The following CLSTN2 variants were observed in gnomAD, a reference collection of about 807,000 sequenced individuals.
CLSTN2 encodes the protein calsyntenin-2.
In CLSTN2, 48 loss-of-function variants were observed where a neutral mutation model predicts 101.2. The observed-to-expected ratio is 0.47, with a 90% CI of 0.38 to 0.60. The LOEUF is 0.60. Ranked by LOEUF, CLSTN2 falls within the 20% of genes least tolerant of loss-of-function variation. CLSTN2 has a pLI of 0.00. For synonymous variants in CLSTN2, 481 were observed against 463.6 expected (o/e 1.04, Z -0.48); for missense variants, 1,160 against 1,238.2 (o/e 0.94, Z 0.95).
chr3:140,371,394 CA>C (rs1165330256), intron 2 of CLSTN2, among the ~76,000 whole-genome samples: 21 of 152,310 alleles, frequency 1.4e-4, no homozygotes, highest in African/African-American at 4.8e-4. Context: ...GGGTGGGAAA[CA>C]AGGAGCTGTC....
chr3:140,354,772 C>G (rs2087650674), intron 2 of CLSTN2, among the ~76,000 whole-genome samples: 1 of 152,234 alleles, frequency 6.6e-6, no homozygotes, highest in Admixed American at 6.5e-5. Flanking sequence ...TTGTATAAGA[C>G]AGACTCCAAA....
intron 2 of CLSTN2, among the ~76,000 whole-genome samples, chr3:140,248,591 C>T (rs1157973583): frequency 4.6e-5 from 7 of 152,110 alleles, no homozygotes; most frequent in Admixed American, 4.6e-4. Flanking sequence ...CAGCTGACAT[C>T]CTGCAGATAC....
chr3:140,379,380 G>A (rs1187164134), intron 2 of CLSTN2, among the ~76,000 whole-genome samples: 2 of 152,234 alleles, frequency 1.3e-5, no homozygotes, highest in Non-Finnish European at 2.9e-5. Flanking sequence ...TTGCCGAGAA[G>A]GGAAGGGGAA....
rs192664137 is a variant in CLSTN2 at position 140,073,305 on chromosome 3, A to T, written c.110-102646A>T. ...TTATCCCAACTCCAAAAACACAGCCACATTTACCACTCCCACCCCCCAGGA... is the reference window on the plus strand; with the variant it reads ...TTATCCCAACTCCAAAAACACAGCCTCATTTACCACTCCCACCCCCCAGGA... On this transcript the variant is annotated intron_variant, in intron 1 of 16. Coordinates refer to ENST00000458420, the MANE Select transcript of CLSTN2 (RefSeq NM_022131.3). 6.9e-3 allele frequency among the ~76,000 whole-genome samples: 1,055 copies of T among 152,322 alleles called. 13 individuals are homozygous for T. The highest frequency in any genetic ancestry group is 0.024 in the African/African-American group (999 of 41,572).
At chr3:140,360,027 C>G (rs6789157) in intron 2 of CLSTN2, among the ~76,000 whole-genome samples, 1 of 145,300 alleles carries the variant, frequency 6.9e-6, no homozygotes, top group Admixed American at 6.9e-5. Flanking sequence ...CACACACACA[C>G]ATATATATAT....
At chr3:139,968,551 T>C (rs2107817826) in intron 1 of CLSTN2, among the ~76,000 whole-genome samples, 1 of 152,266 alleles carries the variant, frequency 6.6e-6, no homozygotes, top group East Asian at 1.9e-4. Flanking sequence ...GAAGACAGAG[T>C]GAGAAGGCCC....
At chr3:140,356,756 CAAAAA>C (rs55634580) in intron 2 of CLSTN2, among the ~76,000 whole-genome samples, 1 of 111,138 alleles carries the variant, frequency 9.0e-6, no homozygotes. Context: ...GACCTTGTCT[CAAAAA>C]AAAAAAAAAA....
chr3:140,116,706 A>G (rs574061216), intron 1 of CLSTN2, among the ~76,000 whole-genome samples: 1 of 152,066 alleles, frequency 6.6e-6, no homozygotes, highest in African/African-American at 2.4e-5. Context: ...CCATATCCCT[A>G]TATTACCTAA....
At chr3:140,386,860 C>A (rs1365647822) in intron 2 of CLSTN2, among the ~76,000 whole-genome samples, 1 of 152,190 alleles carries the variant, frequency 6.6e-6, no homozygotes, top group South Asian at 2.1e-4. Flanking sequence ...TATGAACTTA[C>A]ACAAGCAGGT....
intron 8 of CLSTN2, among the ~76,000 whole-genome samples, chr3:140,487,565 T>C (rs899213803): frequency 6.6e-6 from 1 of 152,266 alleles, no homozygotes; most frequent in African/African-American, 2.4e-5. Context: ...ATTCCTATGC[T>C]AGACCCCATG....
intron 1 of CLSTN2, among the ~76,000 whole-genome samples, chr3:140,118,784 A>T (rs2009288694): frequency 6.6e-6 from 1 of 152,168 alleles, no homozygotes; most frequent in South Asian, 2.1e-4. Flanking sequence ...AATATGGATG[A>T]CATGTTCTCT....
At chr3:139,978,201 A>G (rs1935853424) in intron 1 of CLSTN2, among the ~76,000 whole-genome samples, 1 of 152,154 alleles carries the variant, frequency 6.6e-6, no homozygotes, top group Non-Finnish European at 1.5e-5. Flanking sequence ...AACAAAACCA[A>G]GTATCTGTTA....
At chr3:140,441,803 C>A (rs1037965372) in intron 5 of CLSTN2, among the ~76,000 whole-genome samples, 4 of 152,194 alleles carry the variant, frequency 2.6e-5, no homozygotes, top group African/African-American at 9.7e-5. Flanking sequence ...TAACCCACTC[C>A]CTGGCCCAGC....
At chr3:140,255,078 T>C (rs1195500000) in intron 2 of CLSTN2, among the ~76,000 whole-genome samples, 1 of 152,030 alleles carries the variant, frequency 6.6e-6, no homozygotes, top group African/African-American at 2.4e-5. Flanking sequence ...ATTAGGGAAA[T>C]ATAAATCAAA....
intron 7 of CLSTN2, among the ~76,000 whole-genome samples, chr3:140,463,667 G>C (rs954852438): frequency 2.6e-5 from 4 of 152,128 alleles, no homozygotes; most frequent in Admixed American, 2.6e-4. Context: ...TTCTTGCCCA[G>C]GGTGTCTGAA....
At chr3:140,486,817 C>G (rs1215843344) in intron 8 of CLSTN2, among the ~76,000 whole-genome samples, 2 of 152,176 alleles carry the variant, frequency 1.3e-5, no homozygotes, top group Non-Finnish European at 2.9e-5. Context: ...CACCTTCAAA[C>G]CCTGAATTGG....
chr3:140,289,661 T>C (rs1278779221), intron 2 of CLSTN2, among the ~76,000 whole-genome samples: 1 of 152,116 alleles, frequency 6.6e-6, no homozygotes, highest in Admixed American at 6.6e-5. Context: ...GACTTAATGT[T>C]TGTTGAATGA....
intron 1 of CLSTN2, among the ~76,000 whole-genome samples, chr3:140,098,590 G>T (rs1453018034): frequency 6.6e-6 from 1 of 152,180 alleles, no homozygotes; most frequent in Non-Finnish European, 1.5e-5. Flanking sequence ...TTACTATTTT[G>T]AAGGCAGTAA....
In CLSTN2 at chr3:140,548,679, C is replaced by T. The variant is rs1458148428; in HGVS notation, c.1674+1998C>T. On this transcript the variant is annotated intron_variant, in intron 10 of 16. Coordinates refer to ENST00000458420, the MANE Select transcript of CLSTN2 (RefSeq NM_022131.3). Reference sequence around the variant, plus strand: ...AGCACAGTATTCACTAGAACTTCAACAAAGCCAGTGTTATGAGTCCCAAAC... The same window carrying T: ...AGCACAGTATTCACTAGAACTTCAATAAAGCCAGTGTTATGAGTCCCAAAC... Among the ~76,000 whole-genome samples the T allele has an allele frequency of 2.6e-3, 392 of 152,326 alleles. 3 individuals carry two copies. The highest frequency in any genetic ancestry group is 9.0e-3 in the African/African-American group (374 of 41,562).
Sources: gnomAD v4.1 joint callset for allele counts (sites outside exome capture counted in the v4.1 genomes callset) on GRCh38, gnomAD v4.1.1 for gene constraint, MANE v1.5 for transcripts, NCBI Gene and HGNC (gene_info 2026-07-23, HGNC 2026-07-21) for gene names.